PCMT1: variants seen among roughly 807,000 people sequenced by gnomAD.
PCMT1 encodes protein-L-isoaspartate(D-aspartate) O-methyltransferase.
Under a neutral mutation model 29.2 loss-of-function variants are expected in PCMT1, and 9 were observed. The observed-to-expected ratio is 0.31, with a 90% confidence interval of 0.19 to 0.54. The LOEUF is 0.54. Ranked by LOEUF, PCMT1 falls within the 20% of genes least tolerant of loss-of-function variation. The probability of loss-of-function intolerance (pLI) is 0.95; values close to 1 mark genes in which losing one functional copy is unlikely to be tolerated. For synonymous variants in PCMT1, 98 were observed against 97.5 expected (o/e 1.00, Z -0.03); for missense variants, 184 against 282.2 (o/e 0.65, Z 2.49).
intron 3 of PCMT1, among the ~76,000 whole-genome samples, chr6:149,773,762 T>C (rs1361011647): frequency 1.3e-5 from 2 of 152,188 alleles, no homozygotes; most frequent in Non-Finnish European, 2.9e-5. Flanking sequence ...AAATTGAACA[T>C]AAAAGGTTAT....
chr6:149,786,798 G>A (rs980051116), intron 3 of PCMT1, among the ~76,000 whole-genome samples: 1 of 150,268 alleles, frequency 6.7e-6, no homozygotes, highest in African/African-American at 2.5e-5. Context: ...AGATGGGATG[G>A]TGGCCGGAAA....
intron 1 of PCMT1, among the ~76,000 whole-genome samples, chr6:149,752,699 C>T (rs1786370761): frequency 6.6e-6 from 1 of 152,098 alleles, no homozygotes; most frequent in African/African-American, 2.4e-5. Context: ...AGTATATGTA[C>T]CTGAAACATT....
At chr6:149,800,882 T>C (rs1160534427) in intron 6 of PCMT1, among the ~76,000 whole-genome samples, 1 of 152,202 alleles carries the variant, frequency 6.6e-6, no homozygotes, top group Non-Finnish European at 1.5e-5. Context: ...AATTCTATGC[T>C]CTGCCTTTGG....
chr6:149,793,763 A>T (rs1788484050), intron 5 of PCMT1, 94 bp downstream of exon 5: 7 of 1,090,514 alleles, frequency 6.4e-6, no homozygotes, highest in African/African-American at 1.7e-5. Context: ...TAATTATTGT[A>T]TTTTTTTTTA....
At chr6:149,772,152 A>G (rs1787354148) in intron 2 of PCMT1, 1 of 455,548 alleles carries the variant, frequency 2.2e-6, no homozygotes, top group South Asian at 1.6e-5. Context: ...GACGCACTAT[A>G]ACAGTCAGCA....
intron 3 of PCMT1, among the ~76,000 whole-genome samples, chr6:149,778,635 T>G (rs1448335452): frequency 7.2e-5 from 11 of 152,128 alleles, no homozygotes; most frequent in Non-Finnish European, 1.0e-4. Flanking sequence ...CCTGCTGAGC[T>G]TAAAAGATCC....
chr6:149,803,858 A>G (rs578061215), intron 7 of PCMT1, among the ~76,000 whole-genome samples: 5 of 151,280 alleles, frequency 3.3e-5, no homozygotes, highest in Admixed American at 1.3e-4. Flanking sequence ...AGGTGAGCCA[A>G]TCATCTTAAG....
chr6:149,784,076 T>C (rs963105180), intron 3 of PCMT1, among the ~76,000 whole-genome samples: 4 of 152,164 alleles, frequency 2.6e-5, no homozygotes, highest in South Asian at 2.1e-4. Context: ...ACATTCTAGA[T>C]TGGCAAATGT....
At position 149,749,955 on chromosome 6, in the gene PCMT1, C is replaced by T. The variant is rs980808260; in HGVS notation, c.54C>T (p.Arg18=). The change falls in exon 1 of 8, where the codon CGC becomes CGT. Residue 18 remains arginine, a splice_region_variant and synonymous_variant. Transcript: ENST00000464889. ...ACTCGGAGCTAATCCACAATCTCCG[C>T]AGTAAGTGCCACCTCCGCCCGTTGT... The part of the protein sequence containing the change: ...ASHSELIHNL[R]KNGIIKTDKV... 5.0e-6 allele frequency: 8 copies of T among 1,609,796 alleles called. No homozygotes were observed. Among genetic ancestry groups the T allele is most frequent in the African/African-American group, 4.0e-5 (3 of 74,878 alleles).
At chr6:149,779,486 C>A (rs1193236333) in intron 3 of PCMT1, among the ~76,000 whole-genome samples, 1 of 152,172 alleles carries the variant, frequency 6.6e-6, no homozygotes, top group Non-Finnish European at 1.5e-5. Flanking sequence ...ATTTGTCCCA[C>A]AACACTACCT....
At chr6:149,786,814 G>A (rs1250200061) in intron 3 of PCMT1, among the ~76,000 whole-genome samples, 4 of 149,602 alleles carry the variant, frequency 2.7e-5, no homozygotes, top group African/African-American at 5.0e-5. Context: ...GGAAAGAGGC[G>A]CTCCTCACTT....
intron 1 of PCMT1, among the ~76,000 whole-genome samples, chr6:149,762,560 TCTATG>T (rs1786801280): frequency 1.3e-5 from 1 of 78,450 alleles, no homozygotes; most frequent in Admixed American, 1.7e-4. Context: ...TATATATATA[TCTATG>T]ATATATATAT....
intron 3 of PCMT1, among the ~76,000 whole-genome samples, chr6:149,781,873 C>T (rs1035579936): frequency 6.6e-6 from 1 of 152,160 alleles, no homozygotes; most frequent in African/African-American, 2.4e-5. Flanking sequence ...ACACTCTATA[C>T]TCATTCAATA....
chr6:149,810,326 T>C (rs1278409738), intron 7 of PCMT1, among the ~76,000 whole-genome samples: 1 of 152,234 alleles, frequency 6.6e-6, no homozygotes, highest in Non-Finnish European at 1.5e-5. Flanking sequence ...ATCTAAAAGA[T>C]ATTTTTTCTG....
chr6:149,798,951 A>G lies in PCMT1; in HGVS notation c.504+2451A>G, dbSNP rs573420131. ...GATGGACATAATTCTAACACAAAGA[A>G]TTTTTAAAATAAGAAAAAAGAACAA... On this transcript the variant is annotated intron_variant, in intron 6 of 7. Transcript: ENST00000464889. The G allele has an allele frequency of 1.5e-3, 224 of 152,316 alleles. 1 individual carries two copies. The highest frequency in any genetic ancestry group is 5.1e-3 in the African/African-American group (211 of 41,560). 9.4% of individuals were successfully genotyped at this position (152,316 alleles called of 1,614,324 possible). A position where few individuals can be genotyped will look rare whatever the true frequency, so the allele number is the denominator to read the frequency against.
At chr6:149,804,282 GAA>G (rs1331889034) in intron 7 of PCMT1, among the ~76,000 whole-genome samples, 4 of 151,494 alleles carry the variant, frequency 2.6e-5, no homozygotes, top group Non-Finnish European at 5.9e-5. Context: ...AATTTGATAA[GAA>G]GAGTTGATTT....
chr6:149,767,428 ACTTTGCT>A (rs1469920582), intron 1 of PCMT1, among the ~76,000 whole-genome samples: 111 of 151,944 alleles, frequency 7.3e-4, no homozygotes, highest in African/African-American at 2.7e-3. Context: ...CCTTATTCTT[ACTTTGCT>A]TTGAATCTTG....
intron 7 of PCMT1, among the ~76,000 whole-genome samples, chr6:149,806,779 A>G (rs1776027295): frequency 6.6e-6 from 1 of 152,014 alleles, no homozygotes; most frequent in Non-Finnish European, 1.5e-5. Flanking sequence ...TTTTGTAGAC[A>G]AGGGGTTTTG....
At chr6:149,755,514 C>T (rs951749042) in intron 1 of PCMT1, among the ~76,000 whole-genome samples, 8 of 152,138 alleles carry the variant, frequency 5.3e-5, no homozygotes, top group African/African-American at 1.7e-4. Context: ...GGTCTTGGAC[C>T]GTATTTCCTG....
Sources: gnomAD v4.1 joint callset for allele counts (sites outside exome capture counted in the v4.1 genomes callset) on GRCh38, gnomAD v4.1.1 for gene constraint, MANE v1.5 for transcripts, NCBI Gene and HGNC (gene_info 2026-07-23, HGNC 2026-07-21) for gene names.